Variants in ZNRF3 observed in about 807,000 individuals in gnomAD.
ZNRF3 encodes zinc and ring finger 3.
Under a neutral mutation model 72.5 loss-of-function variants are expected in ZNRF3, and 23 were observed. The ratio of observed to expected loss-of-function variants is 0.32; its 90% CI spans 0.23 to 0.45. The LOEUF (loss-of-function observed/expected upper bound fraction) is 0.45. Ranked by LOEUF, ZNRF3 falls within the 20% of genes least tolerant of loss-of-function variation. The pLI is 1.00. For synonymous variants in ZNRF3, 610 were observed against 545.3 expected (o/e 1.12, Z -1.65); for missense variants, 1,169 against 1,272.1 (o/e 0.92, Z 1.23).
chr22:29,034,180 G>A (rs934660582), intron 2 of ZNRF3, among the ~76,000 whole-genome samples: 1 of 152,216 alleles, frequency 6.6e-6, no homozygotes, highest in African/African-American at 2.4e-5. Flanking sequence ...AGCAGCAAGT[G>A]TGTTATGACA....
intron 2 of ZNRF3, among the ~76,000 whole-genome samples, chr22:29,009,769 C>T (rs1335044316): frequency 6.6e-6 from 1 of 152,120 alleles, no homozygotes; most frequent in South Asian, 2.1e-4. Flanking sequence ...TGAATCTTCT[C>T]TCTCTCTTTA....
chr22:28,902,519 A>G (rs1033571589), intron 1 of ZNRF3, among the ~76,000 whole-genome samples: 2 of 152,132 alleles, frequency 1.3e-5, no homozygotes, highest in South Asian at 2.1e-4. Context: ...AGTAGCTGGG[A>G]CTACAGGCGC....
intron 1 of ZNRF3, among the ~76,000 whole-genome samples, chr22:28,982,985 G>A (rs553451585): frequency 1.3e-5 from 2 of 152,158 alleles, no homozygotes; most frequent in Non-Finnish European, 2.9e-5. Flanking sequence ...CAGGAGAGAG[G>A]GAACTTAGGG....
At chr22:28,947,615 T>A (rs2035076304) in intron 1 of ZNRF3, among the ~76,000 whole-genome samples, 1 of 152,210 alleles carries the variant, frequency 6.6e-6, no homozygotes, top group Non-Finnish European at 1.5e-5. Flanking sequence ...TCATGCCTAA[T>A]GACGTTGAGC....
intron 1 of ZNRF3, among the ~76,000 whole-genome samples, chr22:28,928,791 C>T (rs970792429): frequency 1.2e-4 from 18 of 152,178 alleles, no homozygotes; most frequent in African/African-American, 4.3e-4. Flanking sequence ...CCACCGCGCC[C>T]GGCCCAGAAA....
At chr22:29,031,302 C>G (rs1297807403) in intron 2 of ZNRF3, 1 of 152,246 alleles carries the variant, frequency 6.6e-6, no homozygotes, top group South Asian at 2.1e-4. Context: ...GGTGATTCCC[C>G]CTGCTGGTTC....
intron 1 of ZNRF3, among the ~76,000 whole-genome samples, chr22:28,927,290 T>A (rs2034620396): frequency 6.6e-6 from 1 of 151,964 alleles, no homozygotes; most frequent in Non-Finnish European, 1.5e-5. Flanking sequence ...GCGTGGTGGC[T>A]CACGCCTGTA....
At chr22:28,946,512 T>C (rs1484592543) in intron 1 of ZNRF3, among the ~76,000 whole-genome samples, 4 of 152,256 alleles carry the variant, frequency 2.6e-5, no homozygotes, top group African/African-American at 9.6e-5. Flanking sequence ...TATTTGGGAA[T>C]TGGTGTTTGG....
chr22:29,022,307 C>T (rs1484961782), intron 2 of ZNRF3, among the ~76,000 whole-genome samples: 2 of 152,222 alleles, frequency 1.3e-5, no homozygotes, highest in Non-Finnish European at 2.9e-5. Flanking sequence ...AAGAGTTAAT[C>T]TGTAACTTCA....
chr22:28,969,943 G>A (rs73882417), intron 1 of ZNRF3, among the ~76,000 whole-genome samples: 1,648 of 152,242 alleles, frequency 0.011, 30 homozygotes, highest in African/African-American at 0.038. Flanking sequence ...TTTGCTGAAG[G>A]GTTGGATGTG....
At chr22:28,931,679 G>A (rs749191692) in intron 1 of ZNRF3, among the ~76,000 whole-genome samples, 12 of 152,120 alleles carry the variant, frequency 7.9e-5, no homozygotes, top group African/African-American at 2.2e-4. Context: ...CTACCCATCC[G>A]TCTGTCCATC....
At chr22:29,002,982 T>A (rs1322087686) in intron 2 of ZNRF3, among the ~76,000 whole-genome samples, 1 of 152,030 alleles carries the variant, frequency 6.6e-6, no homozygotes, top group Admixed American at 6.5e-5. Flanking sequence ...AAGAAAAAAA[T>A]TTTGCACTTA....
intron 2 of ZNRF3, among the ~76,000 whole-genome samples, chr22:29,003,245 A>G (rs941266587): frequency 6.6e-5 from 10 of 152,284 alleles, no homozygotes; most frequent in East Asian, 5.8e-4. Context: ...GGCTGGGCGC[A>G]GTGGCTCATG....
chr22:29,003,242 C>T (rs147423318), intron 2 of ZNRF3, among the ~76,000 whole-genome samples: 15 of 152,226 alleles, frequency 9.9e-5, no homozygotes, highest in Admixed American at 2.0e-4. Context: ...TTTGGCTGGG[C>T]GCAGTGGCTC....
Position 29,012,261 on chromosome 22 carries a change from C to A in ZNRF3, c.426+25060C>A, listed in dbSNP as rs147065944. Among the ~76,000 whole-genome samples the A allele has an allele frequency of 4.6e-4, 70 of 152,276 alleles. 2 individuals carry two copies. Among genetic ancestry groups the A allele is most frequent in the Admixed American group, 4.0e-3 (61 of 15,298 alleles). ...AGGTCCAATTGAATGGGTGTGGAGC[C>A]CTCTTATCTCCTCAGCCTTCTATTT... On this transcript the variant is annotated intron_variant, in intron 2 of 8. Coordinates refer to ENST00000544604, the MANE Select transcript of ZNRF3 (RefSeq NM_001206998.2).
intron 1 of ZNRF3, among the ~76,000 whole-genome samples, chr22:28,898,276 C>G (rs1414496421): frequency 6.6e-6 from 1 of 152,148 alleles, no homozygotes; most frequent in Non-Finnish European, 1.5e-5. Flanking sequence ...GGAGAATTTT[C>G]TGTGATTGTC....
At chr22:29,020,050 C>T (rs1333738687) in intron 2 of ZNRF3, among the ~76,000 whole-genome samples, 1 of 151,840 alleles carries the variant, frequency 6.6e-6, no homozygotes, top group Non-Finnish European at 1.5e-5. Flanking sequence ...CACAGATGCT[C>T]AAGTACCTTA....
rs2036727926 is a variant in ZNRF3 at position 29,030,625 on chromosome 22, G to C, written c.427-11870G>C. On this transcript the variant is annotated intron_variant, in intron 2 of 8. Coordinates refer to ENST00000544604, the MANE Select transcript of ZNRF3 (RefSeq NM_001206998.2). This position sits in a 1 kb window ranked among gnomAD's most constrained non-coding sequence, Gnocchi z 4.2. ...CTCCCGGTGGGGAGGGGCGCGGCCG[G>C]TGGCGAGGAGGGCACTTTCCCGGGT... Among the ~76,000 whole-genome samples, 1 of 152,020 alleles carries C rather than the reference G, an allele frequency of 6.6e-6. No individual in the cohort carries two copies. Among genetic ancestry groups the C allele is most frequent in the Non-Finnish European group, 1.5e-5 (1 of 68,008 alleles).
intron 1 of ZNRF3, among the ~76,000 whole-genome samples, chr22:28,907,632 C>G (rs567333334): frequency 6.6e-6 from 1 of 152,322 alleles, no homozygotes; most frequent in East Asian, 1.9e-4. Flanking sequence ...ATTACTGGTA[C>G]TAGCTTTTTT....
Sources: gnomAD v4.1 joint callset for allele counts (sites outside exome capture counted in the v4.1 genomes callset) on GRCh38, gnomAD v4.1.1 for gene constraint, Gnocchi (gnomAD v3.1) non-coding constraint, MANE v1.5 for transcripts, NCBI Gene and HGNC (gene_info 2026-07-23, HGNC 2026-07-21) for gene names.